The following ARPC1B variants were observed in gnomAD, a reference collection of about 807,000 sequenced individuals.
ARPC1B encodes actin-related protein 2/3 complex subunit 1B.
A neutral mutation model predicts 46.0 loss-of-function variants in ARPC1B; 29 were observed. That is an observed-to-expected ratio of 0.63 (90% CI 0.47 to 0.86). The LOEUF (loss-of-function observed/expected upper bound fraction) is 0.86. Ranked by LOEUF, ARPC1B falls within the 40% of genes least tolerant of loss-of-function variation. ARPC1B has a pLI of 0.00. For synonymous variants in ARPC1B, 201 were observed against 213.9 expected, an observed-to-expected ratio of 0.94 and a Z score of 0.53; for missense variants, 469 against 529.4, an observed-to-expected ratio of 0.89 and a Z score of 1.12.
chr7:99,380,816 AGGTTCCTTCAGTCT>A (rs1794194209), intron 1 of ARPC1B, among the ~76,000 whole-genome samples: 1 of 152,244 alleles, frequency 6.6e-6, no homozygotes, highest in African/African-American at 2.4e-5. Flanking sequence ...TCATCCCCGG[AGGTTCCTTCAGTCT>A]GGGCCTCCTG....
intron 7 of ARPC1B, among the ~76,000 whole-genome samples, chr7:99,391,752 CAAA>C (rs36070836): frequency 0.028 from 3,214 of 115,658 alleles, 96 homozygotes; most frequent in African/African-American, 0.082. Flanking sequence ...AAACCTGTCT[CAAA>C]AAAAAAAAAA....
At chr7:99,388,300 C>T (rs1311512992) in intron 4 of ARPC1B, 39 bp downstream of exon 4, 1 of 1,600,536 alleles carries the variant, frequency 6.2e-7, no homozygotes. Flanking sequence ...CTGTTAGGGA[C>T]CGGGGGCAGG....
chr7:99,391,804 C>T (rs1794580357), intron 7 of ARPC1B, among the ~76,000 whole-genome samples: 1 of 150,728 alleles, frequency 6.6e-6, no homozygotes, highest in Non-Finnish European at 1.5e-5. Flanking sequence ...GTAATCCCAG[C>T]AATTTGGGAG....
intron 1 of ARPC1B, among the ~76,000 whole-genome samples, chr7:99,379,166 G>T (rs1395161366): frequency 1.3e-5 from 2 of 152,170 alleles, no homozygotes; most frequent in Non-Finnish European, 2.9e-5. Flanking sequence ...CCCTTCAGAA[G>T]AATTAAACCA....
chr7:99,379,023 C>G (rs964049034), intron 1 of ARPC1B, among the ~76,000 whole-genome samples: 1 of 152,026 alleles, frequency 6.6e-6, no homozygotes, highest in Non-Finnish European at 1.5e-5. Flanking sequence ...GTGATCCACC[C>G]ACCTCGGCCT....
chr7:99,385,912 C>A, intron 2 of ARPC1B, 134 bp downstream of exon 2: 1 of 898,940 alleles, frequency 1.1e-6, no homozygotes. Context: ...CCTGGCCTCA[C>A]CCCTGGGTCT....
At chr7:99,389,010 C>T (rs1794490913) in intron 4 of ARPC1B, 1 of 147,548 alleles carries the variant, frequency 6.8e-6, no homozygotes, top group Admixed American at 6.8e-5. Flanking sequence ...AATCTCAGCT[C>T]ACCGCAACCT....
chr7:99,390,007 G>C lies in ARPC1B; in HGVS notation c.495G>C (p.Lys165Asn), dbSNP rs757287136. ...TGGCTGCCGGCTCCTGTGACTTCAA[G>C]TGTCGGTGAGACAGGGCGCCATGGG... Reference protein sequence around the residue: ...VLLAAGSCDFKCRIFSAYIKE... With the variant: ...VLLAAGSCDFNCRIFSAYIKE... Residue 165 changes from lysine (K) to asparagine (N), a missense_variant, in exon 5 of 10, where the codon AAG becomes AAC. Transcript: ENST00000646101. 8.1e-6 allele frequency: 13 copies of C among 1,613,790 alleles called. No individual in the cohort carries two copies. In the South Asian group the frequency reaches 1.3e-4, roughly 16 times the overall value.
intron 8 of ARPC1B, among the ~76,000 whole-genome samples, chr7:99,393,401 T>C (rs548478623): frequency 2.0e-4 from 31 of 152,142 alleles, no homozygotes; most frequent in African/African-American, 7.5e-4. Flanking sequence ...GGCTGGCCCC[T>C]ACGGTTCTCT....
At chr7:99,380,405 C>T (rs1415075908) in intron 1 of ARPC1B, among the ~76,000 whole-genome samples, 7 of 152,196 alleles carry the variant, frequency 4.6e-5, no homozygotes, top group East Asian at 3.9e-4. Flanking sequence ...TCCTGTCTCT[C>T]GCCCCCTTAA....
chr7:99,377,751 C>T (rs1457601506), intron 1 of ARPC1B, among the ~76,000 whole-genome samples: 1 of 151,646 alleles, frequency 6.6e-6, no homozygotes, highest in Non-Finnish European at 1.5e-5. Context: ...TCTCTTGCCT[C>T]GACCCCCCGA....
intron 4 of ARPC1B, 79 bp downstream of exon 4, chr7:99,388,340 G>A: frequency 7.1e-7 from 1 of 1,404,210 alleles, no homozygotes; most frequent in Non-Finnish European, 9.9e-7. Flanking sequence ...GCACCAAATG[G>A]GATGTCAGGA....
intron 9 of ARPC1B, 61 bp downstream of exon 9, chr7:99,394,180 C>A: frequency 6.5e-7 from 1 of 1,539,068 alleles, no homozygotes; most frequent in East Asian, 2.3e-5. Context: ...TCCCCCCATC[C>A]CCACTCCCTG....
At position 99,388,117 on chromosome 7, in the gene ARPC1B, G is replaced by C; in HGVS notation, c.248G>C (p.Gly83Ala). 3.1e-6 allele frequency: 5 copies of C among 1,614,178 alleles called. No homozygotes were observed. The highest frequency in any genetic ancestry group is 4.2e-6 in the Non-Finnish European group (5 of 1,180,022). Residue 83 changes from glycine (G) to alanine (A), a missense_variant, in exon 4 of 10, where the codon GGC becomes GCC. Gly to Ala is a moderately conservative substitution (Grantham distance 60). Coordinates refer to ENST00000646101, the MANE Select transcript of ARPC1B (RefSeq NM_005720.4). ...DRNAYVWTLK[G>A]RTWKPTLVIL... ...AACGCCTACGTGTGGACGCTGAAGG[G>C]CCGCACATGGAAGCCCACGCTGGTC...
chr7:99,394,268 G>A (rs1218393312), intron 9 of ARPC1B, 149 bp downstream of exon 9: 1 of 1,082,870 alleles, frequency 9.2e-7, no homozygotes, highest in African/African-American at 1.6e-5. Flanking sequence ...CTTGACATCT[G>A]GGCCTTGGTG....
intron 5 of ARPC1B, 86 bp from the exon 6 acceptor site, chr7:99,390,806 TC>T (rs1794548145): frequency 7.9e-7 from 1 of 1,258,764 alleles, no homozygotes; most frequent in African/African-American, 1.5e-5. Context: ...CAAGCAATCC[TC>T]CCGCCTCAGC....
chr7:99,385,402 C>G (rs539288360), intron 1 of ARPC1B, among the ~76,000 whole-genome samples: 1 of 151,996 alleles, frequency 6.6e-6, no homozygotes, highest in Admixed American at 6.6e-5. Context: ...CACCCCGCCC[C>G]AGGGAGCATC....
Position 99,384,954 on chromosome 7 carries a change from A to ATTT in ARPC1B, c.-13-721_-13-719dup, listed in dbSNP as rs753952597. On this transcript the variant is annotated intron_variant, in intron 1 of 9. Coordinates refer to ENST00000646101, the MANE Select transcript of ARPC1B (RefSeq NM_005720.4). ...AGGCAGGTGCCACCACACCTGGCTA[A>ATTT]TTTTTTTTTTTTTTTTTTTTTTTTT... Among the ~76,000 whole-genome samples the ATTT allele has an allele frequency of 2.1e-3, 143 of 67,424 alleles. 24 individuals are homozygous for ATTT. Among genetic ancestry groups the ATTT allele is most frequent in the African/African-American group, 7.6e-3 (101 of 13,314 alleles). The allele number at this position is 67,424 out of a possible 152,430, so 44.2% of individuals were successfully genotyped here.
chr7:99,388,660 G>T, intron 4 of ARPC1B: 1 of 167,078 alleles, frequency 6.0e-6, no homozygotes, highest in Non-Finnish European at 1.3e-5. Context: ...TTCAGATGGA[G>T]TCTCACTCTG....
Sources: allele counts gnomAD v4.1 joint callset (sites outside exome capture counted in the v4.1 genomes callset), GRCh38; gene constraint gnomAD v4.1.1; transcripts MANE v1.5; gene names NCBI Gene and HGNC (gene_info 2026-07-23, HGNC 2026-07-21).